The following DTNB variants were observed in gnomAD, a reference collection of about 807,000 sequenced individuals.
The protein encoded by DTNB is DTN-B.
DTNB carries 63 observed loss-of-function variants against 90.7 expected under a neutral mutation model. The ratio of observed to expected loss-of-function variants is 0.69; its 90% CI spans 0.57 to 0.86. The LOEUF (loss-of-function observed/expected upper bound fraction) is 0.86, where lower values mean the gene tolerates loss of function less well. Ranked by LOEUF, DTNB falls within the 40% of genes least tolerant of loss-of-function variation. The probability of loss-of-function intolerance (pLI) is 0.00; values close to 1 mark genes in which losing one functional copy is unlikely to be tolerated. For missense variants in DTNB, 744 were observed against 807.1 expected (o/e 0.92, Z 0.95); for synonymous variants, 277 against 286.7 (o/e 0.97, Z 0.34).
At chr2:25,597,229 G>A (rs1043430460) in intron 5 of DTNB, among the ~76,000 whole-genome samples, 5 of 151,928 alleles carry the variant, frequency 3.3e-5, no homozygotes, top group African/African-American at 9.7e-5. Flanking sequence ...TACTTGGGAG[G>A]CTGGGGTGGG....
intron 8 of DTNB, among the ~76,000 whole-genome samples, chr2:25,550,316 G>A (rs185567375): frequency 6.6e-5 from 10 of 152,192 alleles, no homozygotes; most frequent in Non-Finnish European, 1.3e-4. Context: ...GCGTGAACCC[G>A]GGAGGCGGAG....
chr2:25,411,085 G>A (rs1001481383), intron 16 of DTNB, among the ~76,000 whole-genome samples: 3 of 152,052 alleles, frequency 2.0e-5, no homozygotes, highest in Non-Finnish European at 2.9e-5. Context: ...ATAGCTGGGC[G>A]CGGTGGCTCA....
At chr2:25,384,245 A>G (rs1420492487) in intron 18 of DTNB, among the ~76,000 whole-genome samples, 2 of 152,178 alleles carry the variant, frequency 1.3e-5, no homozygotes, top group African/African-American at 2.4e-5. Flanking sequence ...CAGGTTTAAG[A>G]AAGTGACCAT....
chr2:25,547,650 G>T (rs1483939657), intron 8 of DTNB, among the ~76,000 whole-genome samples: 1 of 152,144 alleles, frequency 6.6e-6, no homozygotes, highest in Admixed American at 6.5e-5. Flanking sequence ...GTCCTTGCCT[G>T]TTTGGGGATG....
At chr2:25,648,994 T>C (rs1025272221) in intron 2 of DTNB, among the ~76,000 whole-genome samples, 24 of 27,772 alleles carry the variant, frequency 8.6e-4, no homozygotes, top group African/African-American at 2.4e-3. Context: ...CCTTCCTACC[T>C]TTTTTTTTTT....
intron 8 of DTNB, among the ~76,000 whole-genome samples, chr2:25,541,305 G>C (rs369261809): frequency 2.0e-5 from 3 of 151,672 alleles, no homozygotes; most frequent in Non-Finnish European, 4.4e-5. Flanking sequence ...ATGGTGAAAC[G>C]CTGTCTCTAC....
At chr2:25,531,839 T>C (rs937395094) in intron 8 of DTNB, among the ~76,000 whole-genome samples, 1 of 152,206 alleles carries the variant, frequency 6.6e-6, no homozygotes, top group East Asian at 1.9e-4. Flanking sequence ...TATCAAGTAA[T>C]GTCAACTTTC....
chr2:25,455,402 G>A lies in DTNB; in HGVS notation c.1169+3C>T, dbSNP rs1183868210. The A allele has an allele frequency of 9.4e-6, 15 of 1,591,548 alleles. 1 individual carries two copies. The highest frequency in any genetic ancestry group is 3.5e-5 in the Admixed American group (2 of 56,378). On this transcript the variant is annotated splice_donor_region_variant and intron_variant, in intron 11 of 20. Coordinates refer to ENST00000406818, the MANE Select transcript of DTNB (RefSeq NM_021907.5). ...TACCCACTGCTGCTGCACCACCACT[G>A]ACCGTGCACAGTGCTGCAGACGGGC... is the stretch of plus-strand genomic sequence containing the variant.
chr2:25,519,014 G>T (rs2075663963), intron 9 of DTNB, among the ~76,000 whole-genome samples: 1 of 152,040 alleles, frequency 6.6e-6, no homozygotes, highest in Non-Finnish European at 1.5e-5. Flanking sequence ...AGACCCCAAG[G>T]TGCCTAATGG....
intron 1 of DTNB, among the ~76,000 whole-genome samples, chr2:25,659,426 T>C (rs999989402): frequency 6.6e-6 from 1 of 151,390 alleles, no homozygotes; most frequent in Admixed American, 6.6e-5. Flanking sequence ...GAAACTAGAA[T>C]TCACTAAAAG....
chr2:25,558,708 T>C (rs1234202551), intron 8 of DTNB, among the ~76,000 whole-genome samples: 1 of 152,224 alleles, frequency 6.6e-6, no homozygotes, highest in Non-Finnish European at 1.5e-5. Flanking sequence ...TAAGTGGTTT[T>C]ATGAATAAAT....
chr2:25,576,771 G>A (rs1323040615), intron 8 of DTNB, 67 bp downstream of exon 8: 2 of 1,468,522 alleles, frequency 1.4e-6, no homozygotes, highest in Non-Finnish European at 1.8e-6. Context: ...GAGGAAACTG[G>A]CCCAGGTGCT....
At chr2:25,558,732 AAC>A (rs1434097519) in intron 8 of DTNB, among the ~76,000 whole-genome samples, 1 of 152,236 alleles carries the variant, frequency 6.6e-6, no homozygotes, top group Non-Finnish European at 1.5e-5. Flanking sequence ...GCATGCAAAC[AAC>A]ACAGTAGAAT....
chr2:25,379,395 AG>A (rs35126842), intron 19 of DTNB, 72 bp from the exon 20 acceptor site: 1 of 1,289,246 alleles, frequency 7.8e-7, no homozygotes, highest in Non-Finnish European at 9.9e-7. Context: ...ACTATCTCAA[AG>A]GGGCTTCCCT....
At chr2:25,379,486 TAG>T (rs752562117) in intron 19 of DTNB, 163 bp from the exon 20 acceptor site, 170 of 882,750 alleles carry the variant, frequency 1.9e-4, no homozygotes, top group Non-Finnish European at 1.8e-4. Context: ...GACAGCAGGG[TAG>T]AGTCATACTT....
chr2:25,619,818 G>C (rs2071960135), intron 4 of DTNB, among the ~76,000 whole-genome samples: 1 of 152,138 alleles, frequency 6.6e-6, no homozygotes, highest in Admixed American at 6.6e-5. Context: ...GAGGTGGGCA[G>C]ATCAGGAGGT....
At chr2:25,399,863 T>C (rs147946541) in intron 16 of DTNB, among the ~76,000 whole-genome samples, 7 of 74,382 alleles carry the variant, frequency 9.4e-5, no homozygotes, top group African/African-American at 6.7e-4. Context: ...TTCTGTGACC[T>C]ATGATCTTCG....
intron 8 of DTNB, among the ~76,000 whole-genome samples, chr2:25,545,473 T>C (rs535438799): frequency 6.6e-6 from 1 of 152,172 alleles, no homozygotes; most frequent in Non-Finnish European, 1.5e-5. Flanking sequence ...ACAGAGGGAT[T>C]TTTTTTGTCT....
At chr2:25,449,072 C>A (rs575236816) in intron 12 of DTNB, among the ~76,000 whole-genome samples, 1 of 152,088 alleles carries the variant, frequency 6.6e-6, no homozygotes, top group East Asian at 1.9e-4. Context: ...TTTGCCTATT[C>A]TAGAATTTCA....
Sources: gnomAD v4.1 joint callset for allele counts (sites outside exome capture counted in the v4.1 genomes callset) on GRCh38, gnomAD v4.1.1 for gene constraint, MANE v1.5 for transcripts, NCBI Gene and HGNC (gene_info 2026-07-23, HGNC 2026-07-21) for gene names.